Variants in GIT1 observed in about 807,000 individuals in gnomAD.
GIT1 encodes GIT ArfGAP 1.
GIT1 carries 14 observed loss-of-function variants against 91.7 expected under a neutral mutation model. The observed-to-expected ratio is 0.15, with a 90% CI of 0.10 to 0.24. The LOEUF is 0.24. Among genes scored for constraint, GIT1 ranks in the 10% least tolerant of loss-of-function variants. The probability of loss-of-function intolerance (pLI) is 1.00; values close to 1 mark genes in which losing one functional copy is unlikely to be tolerated. For synonymous variants in GIT1, 414 were observed against 418.2 expected, an observed-to-expected ratio of 0.99 and a Z score of 0.12; for missense variants, 717 against 1,024.9, an observed-to-expected ratio of 0.70 and a Z score of 4.10.
chr17:29,589,425 G>GCGGGCGGCGGGCC lies in GIT1; in HGVS notation c.-60_-48dup, dbSNP rs1379809572. 4.8e-6 allele frequency: 4 copies of GCGGGCGGCGGGCC among 833,218 alleles called. No individual in the cohort carries two copies. Among genetic ancestry groups the GCGGGCGGCGGGCC allele is most frequent in the African/African-American group, 3.7e-5 (2 of 53,626 alleles). The allele number at this position is 833,218 out of a possible 1,614,324, so 51.6% of individuals were successfully genotyped here. A position where few individuals can be genotyped will look rare whatever the true frequency, so the allele number is the denominator to read the frequency against. ...AGCCCTCTGGGCCAGCGTGGGGGGC[G>GCGGGCGGCGGGCC]CGGGCGGCGGGCCCGGGCGGCGGCG... On this transcript the variant is annotated 5_prime_UTR_variant, in exon 1 of 20. Coordinates refer to ENST00000225394, the MANE Select transcript of GIT1 (RefSeq NM_014030.4). The surrounding 1 kb of genome is among the most constrained non-coding windows in gnomAD (Gnocchi z 5.2).
intron 1 of GIT1, among the ~76,000 whole-genome samples, chr17:29,584,675 C>T (rs574427604): frequency 6.6e-6 from 1 of 152,306 alleles, no homozygotes; most frequent in African/African-American, 2.4e-5. Context: ...GAAACCCTGT[C>T]CTGGGGTGGG....
rs1196106318 is a variant in GIT1 at position 29,573,959 on chromosome 17, A to C, written c.*743T>G. 2 of 152,388 alleles carry C rather than the reference A, an allele frequency of 1.3e-5. No individual in the cohort carries two copies. Among genetic ancestry groups the C allele is most frequent in the Non-Finnish European group, 2.9e-5 (2 of 68,092 alleles). 9.4% of individuals were successfully genotyped at this position (152,388 alleles called of 1,614,324 possible). On this transcript the variant is annotated 3_prime_UTR_variant, in exon 20 of 20. Coordinates refer to ENST00000225394, the MANE Select transcript of GIT1 (RefSeq NM_014030.4). ...GGACAGTCCCTGGCTCCAGGTGGGG[A>C]AGGGAAGCTGATCCCCATGCTGGTC...
Position 29,574,682 on chromosome 17 carries a change from T to G in GIT1, c.*20A>C, listed in dbSNP as rs1201042162. On this transcript the variant is annotated 3_prime_UTR_variant, in exon 20 of 20. Coordinates refer to ENST00000225394, the MANE Select transcript of GIT1 (RefSeq NM_014030.4). ...GGCCAGTGAGGTCCTAGGGTGCAGG[T>G]GAGGGTGTGGGGAGAGAGGTCACTG... The G allele has an allele frequency of 1.3e-6, 2 of 1,584,204 alleles. No individual in the cohort carries two copies. The highest frequency in any genetic ancestry group is 1.7e-6 in the Non-Finnish European group (2 of 1,154,642).
chr17:29,579,134 A>T (rs149943859), intron 7 of GIT1: 1 of 691,872 alleles, frequency 1.4e-6, no homozygotes, highest in African/African-American at 1.8e-5. Flanking sequence ...AATTCATCTC[A>T]CCGCGTCCCC....
chr17:29,577,112 C>CACCCTCCCACACA (rs1302753501), intron 11 of GIT1, 24 bp downstream of exon 11: 6 of 1,609,614 alleles, frequency 3.7e-6, no homozygotes, highest in Non-Finnish European at 5.1e-6. Flanking sequence ...CTGCTTCCCA[C>CACCCTCCCACACA]ACCCTCCCAC....
Position 29,583,714 on chromosome 17 carries a change from A to G in GIT1, c.53-98T>C, listed in dbSNP as rs975108554. 21 of 1,307,052 alleles carry G rather than the reference A, an allele frequency of 1.6e-5. No individual in the cohort carries two copies. The African/African-American group carries it at 2.1e-4, about 13-fold the overall frequency. The allele number at this position is 1,307,052 out of a possible 1,614,324, so 81.0% of individuals were successfully genotyped here. On this transcript the variant is annotated intron_variant, in intron 1 of 19. Coordinates refer to ENST00000225394, the MANE Select transcript of GIT1 (RefSeq NM_014030.4). Reference sequence around the variant, plus strand: ...GTGCCAAGCCTAGTACTCTCCACACATTCACTCACTCAGTCTCCAACAGCC... The same window carrying G: ...GTGCCAAGCCTAGTACTCTCCACACGTTCACTCACTCAGTCTCCAACAGCC...
chr17:29,577,541 T>C (rs2033255118), intron 10 of GIT1, 104 bp downstream of exon 10: 3 of 810,344 alleles, frequency 3.7e-6, no homozygotes, highest in Non-Finnish European at 6.5e-6. Flanking sequence ...AGGGAGGCCC[T>C]GGCAAATGCT....
Position 29,581,649 on chromosome 17 carries a change from C to T in GIT1, c.718+93G>A. The T allele has an allele frequency of 1.0e-6, 1 of 966,768 alleles. No homozygotes were observed. The highest frequency in any genetic ancestry group is 1.6e-6 in the Non-Finnish European group (1 of 616,588). 59.9% of individuals were successfully genotyped at this position (966,768 alleles called of 1,614,324 possible). On this transcript the variant is annotated intron_variant, in intron 6 of 19. Transcript: ENST00000225394. This position sits in a 1 kb window ranked among gnomAD's most constrained non-coding sequence, Gnocchi z 4.8. ...CAACATTGCTCCCCAGCCGCTCTGT[C>T]ACCATGGCACCTGCTGCCGGGTGCG... is the stretch of plus-strand genomic sequence containing the variant.
chr17:29,585,260 C>T (rs1445074068), intron 1 of GIT1, among the ~76,000 whole-genome samples: 1 of 152,126 alleles, frequency 6.6e-6, no homozygotes, highest in Non-Finnish European at 1.5e-5. Context: ...AGGGGGCTGC[C>T]AGCCAGCCAC....
At chr17:29,586,381 G>A (rs879673412) in intron 1 of GIT1, among the ~76,000 whole-genome samples, 7 of 151,980 alleles carry the variant, frequency 4.6e-5, no homozygotes, top group Non-Finnish European at 7.4e-5. Flanking sequence ...TTTAGGTGTG[G>A]CCCAAGAAAA....
In GIT1 at chr17:29,581,197, T is replaced by G. The variant is rs1305101945; in HGVS notation, c.761+141A>C. 1.4e-6 allele frequency: 1 copy of G among 697,906 alleles called. No homozygotes were observed. The highest frequency in any genetic ancestry group is 1.8e-5 in the African/African-American group (1 of 56,824). 43.2% of individuals were successfully genotyped at this position (697,906 alleles called of 1,614,324 possible). ...TGCCTTGGGGCCCAGCATTAGGGAC[T>G]GAGGACTAAGCTGTGCCTCTAGTCT... On this transcript the variant is annotated intron_variant, in intron 7 of 19. Transcript: ENST00000225394. The surrounding 1 kb of genome is among the most constrained non-coding windows in gnomAD (Gnocchi z 4.8).
intron 2 of GIT1, 113 bp downstream of exon 2, chr17:29,583,370 C>G: frequency 8.7e-7 from 1 of 1,152,082 alleles, no homozygotes; most frequent in Non-Finnish European, 1.2e-6. Context: ...GGGTGCTGCC[C>G]CTTGGAAGCT....
At position 29,583,553 on chromosome 17, in the gene GIT1, C is replaced by A; in HGVS notation, c.116G>T (p.Arg39Leu). ...AATGGAGATGTGGCGTCCCAGGCTC[C>A]GGTGCACGCTGCAGCACTCGTCACA... ...LVCDECCSVH[R>L]SLGRHISIVK... The change falls in exon 2 of 20, where the codon CGG (arginine) becomes CTG (leucine). Residue 39 changes from arginine to leucine, a missense_variant. This residue lies in a region of GIT1 where 271 missense variants were observed against 451.6 expected (regional missense o/e 0.60). Coordinates refer to ENST00000225394, the MANE Select transcript of GIT1 (RefSeq NM_014030.4). 6.2e-7 allele frequency: 1 copy of A among 1,611,260 alleles called. No homozygotes were observed.
intron 1 of GIT1, among the ~76,000 whole-genome samples, chr17:29,585,931 C>G (rs932216518): frequency 6.6e-6 from 1 of 152,114 alleles, no homozygotes; most frequent in Non-Finnish European, 1.5e-5. Context: ...AGTGCCAACC[C>G]CATGGAGGCC....
At chr17:29,584,297 A>C (rs1403858466) in intron 1 of GIT1, among the ~76,000 whole-genome samples, 1 of 152,222 alleles carries the variant, frequency 6.6e-6, no homozygotes, top group Non-Finnish European at 1.5e-5. Flanking sequence ...AGAGAGGTTA[A>C]AGGGCTTATT....
chr17:29,579,044 A>G lies in GIT1; in HGVS notation c.762-265T>C, dbSNP rs900602042. ...AACAGGACAGAGGCGGCAGTTACCC[A>G]GGAGCAGGGCAGCACACGCCTTTTC... On this transcript the variant is annotated intron_variant, in intron 7 of 19. Coordinates refer to ENST00000225394, the MANE Select transcript of GIT1 (RefSeq NM_014030.4). 16 of 1,540,636 alleles carry G rather than the reference A, an allele frequency of 1.0e-5. No homozygotes were observed. The African/African-American group carries it at 1.6e-4, about 16-fold the overall frequency.
Position 29,574,871 on chromosome 17 carries a change from T to C in GIT1, c.2117A>G (p.Asn706Ser), listed in dbSNP as rs1256511398. 3 of 1,586,236 alleles carry C rather than the reference T, an allele frequency of 1.9e-6. No individual in the cohort carries two copies. Among genetic ancestry groups the C allele is most frequent in the Non-Finnish European group, 1.7e-6 (2 of 1,169,240 alleles). Residue 706 changes from asparagine to serine, a missense_variant, in exon 20 of 20, where the codon AAC becomes AGC. Transcript: ENST00000225394. The part of the protein sequence containing the change: ...EPVRSSLRLL[N>S]ASAYRLQSEC... The stretch of plus-strand genomic sequence containing the variant: ...ACTCTGCAGCCGGTAGGCGCTGGCG[T>C]TGAGCAGCCGCAGTGAGCTCCGCAC...
At position 29,574,402 on chromosome 17, in the gene GIT1, C is replaced by T. The variant is rs554739611; in HGVS notation, c.*300G>A. On this transcript the variant is annotated 3_prime_UTR_variant, in exon 20 of 20. Coordinates refer to ENST00000225394, the MANE Select transcript of GIT1 (RefSeq NM_014030.4). ...CACCTGCCCCTTTGCTGAGGGTGCC[C>T]TAGAAGGCGAGGGGCTGGGAGTGAT... 102 of 421,356 alleles carry T rather than the reference C, an allele frequency of 2.4e-4. No individual in the cohort carries two copies. The highest frequency in any genetic ancestry group is 3.5e-4 in the Non-Finnish European group (81 of 228,418). 26.1% of individuals were successfully genotyped at this position (421,356 alleles called of 1,614,324 possible).
chr17:29,580,526 T>C (rs1029156341), intron 7 of GIT1, among the ~76,000 whole-genome samples: 1 of 152,246 alleles, frequency 6.6e-6, no homozygotes, highest in Non-Finnish European at 1.5e-5. Flanking sequence ...GCTGGGTGAG[T>C]GGCAGGGGGT....
Sources: gnomAD v4.1 joint callset for allele counts (sites outside exome capture counted in the v4.1 genomes callset) on GRCh38, gnomAD v4.1.1 for gene constraint, gnomAD v4.1.1 regional missense constraint, Gnocchi (gnomAD v3.1) non-coding constraint, MANE v1.5 for transcripts, NCBI Gene and HGNC (gene_info 2026-07-23, HGNC 2026-07-21) for gene names.